The following LRGUK variants were observed in gnomAD, a reference collection of about 807,000 sequenced individuals.
LRGUK encodes the protein leucine rich repeats and guanylate kinase domain containing, also known as leucine-rich repeat and guanylate kinase domain-containing protein.
A neutral mutation model predicts 76.0 loss-of-function variants in LRGUK; 65 were observed. That is an observed-to-expected ratio of 0.85 (90% CI 0.70 to 1.05). LRGUK has a LOEUF of 1.05. LRGUK is among the 50% of genes least tolerant of loss of function. The probability of loss-of-function intolerance (pLI) is 0.00; values close to 1 mark genes in which losing one functional copy is unlikely to be tolerated. For synonymous variants in LRGUK, 268 were observed against 265.6 expected (o/e 1.01, Z -0.09); for missense variants, 758 against 732.8 (o/e 1.03, Z -0.40).
chr7:134,157,458 T>C (rs1798523132), intron 5 of LRGUK, among the ~76,000 whole-genome samples: 2 of 152,236 alleles, frequency 1.3e-5, no homozygotes, highest in South Asian at 4.1e-4. Context: ...ATGAGGCAGC[T>C]ATGAGCCACG....
intron 5 of LRGUK, among the ~76,000 whole-genome samples, chr7:134,150,483 A>AG (rs1213984876): frequency 4.0e-5 from 6 of 150,494 alleles, no homozygotes; most frequent in Admixed American, 2.0e-4. Context: ...AGCAAACAAA[A>AG]AAAAAAAAAA....
chr7:134,267,417 G>C (rs1482252689), downstream of LRGUK, among the ~76,000 whole-genome samples: 1 of 152,254 alleles, frequency 6.6e-6, no homozygotes, highest in East Asian at 1.9e-4. Flanking sequence ...ACTGCAAAAG[G>C]GTGAGGGGTG....
At chr7:134,220,261 A>G (rs1455516074) in intron 15 of LRGUK, among the ~76,000 whole-genome samples, 1 of 152,180 alleles carries the variant, frequency 6.6e-6, no homozygotes, top group East Asian at 1.9e-4. Flanking sequence ...GTCCTCGCCC[A>G]TTTGTTGCAT....
exon 8 of LRGUK, chr7:134,174,569 G>A: frequency 6.2e-7 from 1 of 1,604,938 alleles, no homozygotes; most frequent in Non-Finnish European, 8.5e-7. Context: ...GCTGAGCTGA[G>A]AGAAATAGAA....
intron 16 of LRGUK, among the ~76,000 whole-genome samples, chr7:134,223,976 A>AT (rs1801667688): frequency 6.6e-6 from 1 of 152,050 alleles, no homozygotes. Context: ...TACCTGGGGT[A>AT]ATGGGTAGAA....
intron 8 of LRGUK, among the ~76,000 whole-genome samples, chr7:134,175,459 A>G (rs1049415195): frequency 6.6e-6 from 1 of 152,198 alleles, no homozygotes; most frequent in African/African-American, 2.4e-5. Flanking sequence ...ATTTAAAAGC[A>G]TTTCTGGAAA....
intron 16 of LRGUK, among the ~76,000 whole-genome samples, chr7:134,238,882 C>G (rs1285153816): frequency 6.6e-6 from 1 of 152,176 alleles, no homozygotes; most frequent in Non-Finnish European, 1.5e-5. Context: ...AGCTTTCTTC[C>G]TGGGATTTCC....
chr7:134,258,107 C>G (rs1802629545), intron 18 of LRGUK, 150 bp from the exon 19 acceptor site: 2 of 889,316 alleles, frequency 2.2e-6, no homozygotes, highest in Admixed American at 4.8e-5. Flanking sequence ...TCTATAGACA[C>G]TGTTGAACAC....
intron 10 of LRGUK, among the ~76,000 whole-genome samples, chr7:134,179,132 A>G (rs184491723): frequency 6.6e-6 from 1 of 152,276 alleles, no homozygotes; most frequent in East Asian, 1.9e-4. Context: ...CAGCTAGCCT[A>G]AGGAAAACCT....
chr7:134,181,963 G>A (rs1799771261), intron 10 of LRGUK, among the ~76,000 whole-genome samples: 1 of 152,004 alleles, frequency 6.6e-6, no homozygotes, highest in African/African-American at 2.4e-5. Context: ...TTATCACAAG[G>A]ATCCCTTGTA....
chr7:134,135,846 C>T lies in LRGUK; in HGVS notation c.298-1177C>T, dbSNP rs187047192. On this transcript the variant is annotated intron_variant, in intron 1 of 15. Transcript: ENST00000645682. ...AATTTTTTTGTATTTTTAGTAGAGA[C>T]GGGGTTTCACCGTGTTAGCCAGGAT... is the stretch of plus-strand genomic sequence containing the variant. 1.6e-4 allele frequency among the ~76,000 whole-genome samples: 24 copies of T among 152,268 alleles called. No homozygotes were observed. In the South Asian group the frequency reaches 1.9e-3, roughly 12 times the overall value.
chr7:134,170,289 T>G (rs1799186821), intron 7 of LRGUK, among the ~76,000 whole-genome samples: 1 of 152,090 alleles, frequency 6.6e-6, no homozygotes, highest in African/African-American at 2.4e-5. Context: ...TGTGTCTCCC[T>G]TTATTATTTT....
At chr7:134,235,911 T>C (rs1802002679) in intron 16 of LRGUK, among the ~76,000 whole-genome samples, 1 of 152,314 alleles carries the variant, frequency 6.6e-6, no homozygotes, top group South Asian at 2.1e-4. Flanking sequence ...TCAGTAAGTG[T>C]CAATATTATA....
intron 4 of LRGUK, among the ~76,000 whole-genome samples, chr7:134,147,752 A>G (rs576815301): frequency 6.6e-6 from 1 of 152,186 alleles, no homozygotes; most frequent in South Asian, 2.1e-4. Context: ...GTGGACAGAA[A>G]AGGATCCCAG....
chr7:134,195,535 T>C (rs1800441262), intron 12 of LRGUK, among the ~76,000 whole-genome samples: 1 of 152,166 alleles, frequency 6.6e-6, no homozygotes, highest in Admixed American at 6.6e-5. Context: ...ATCCAAAGGC[T>C]GATCTTTTTG....
At chr7:134,263,457 G>C (rs899928409) in intron 19 of LRGUK, among the ~76,000 whole-genome samples, 1 of 139,886 alleles carries the variant, frequency 7.1e-6, no homozygotes, top group African/African-American at 2.6e-5. Context: ...GTACTGTGTG[G>C]AGCATTGTTA....
intron 9 of LRGUK, among the ~76,000 whole-genome samples, chr7:134,177,959 G>T (rs1399511144): frequency 6.6e-6 from 1 of 152,124 alleles, no homozygotes; most frequent in Non-Finnish European, 1.5e-5. Flanking sequence ...ATGAAGAACT[G>T]TACATTATGA....
intron 18 of LRGUK, among the ~76,000 whole-genome samples, chr7:134,249,533 C>T (rs894754816): frequency 6.6e-6 from 1 of 152,186 alleles, no homozygotes; most frequent in African/African-American, 2.4e-5. Context: ...TAAAGTACCC[C>T]ATAGCCTTCC....
At chr7:134,220,060 C>T (rs1259901888) in intron 15 of LRGUK, among the ~76,000 whole-genome samples, 2 of 152,114 alleles carry the variant, frequency 1.3e-5, no homozygotes, top group Non-Finnish European at 2.9e-5. Flanking sequence ...ACTGCTGTAT[C>T]CCCAGCATCT....
Sources: allele counts gnomAD v4.1 joint callset (sites outside exome capture counted in the v4.1 genomes callset), GRCh38; gene constraint gnomAD v4.1.1; transcripts MANE v1.5; gene names NCBI Gene and HGNC (gene_info 2026-07-23, HGNC 2026-07-21).